ATP8B4: variants seen among roughly 807,000 people sequenced by gnomAD.
ATP8B4 encodes probable phospholipid-transporting ATPase IM.
A neutral mutation model predicts 145.6 loss-of-function variants in ATP8B4; 133 were observed. That is an observed-to-expected ratio of 0.91 (90% confidence interval 0.79 to 1.05). The LOEUF (loss-of-function observed/expected upper bound fraction) is 1.05, where lower values mean the gene tolerates loss of function less well. ATP8B4 is among the 50% of genes least tolerant of loss of function. The pLI is 0.00. For synonymous variants in ATP8B4, 507 were observed against 492.9 expected (o/e 1.03, Z -0.38); for missense variants, 1,458 against 1,425.2 (o/e 1.02, Z -0.37).
At chr15:50,103,972 CA>C in intron 2 of ATP8B4, among the ~76,000 whole-genome samples, 1 of 152,010 alleles carries the variant, frequency 6.6e-6, no homozygotes, top group South Asian at 2.1e-4. Flanking sequence ...ACAAAATCAT[CA>C]ATGGGGGAAA....
chr15:50,148,031 G>T (rs188809437), intron 1 of ATP8B4, among the ~76,000 whole-genome samples: 206 of 152,284 alleles, frequency 1.4e-3, no homozygotes, highest in African/African-American at 4.9e-3. Context: ...TCTACTAAGT[G>T]ATCCAACTTA....
intron 1 of ATP8B4, among the ~76,000 whole-genome samples, chr15:50,163,522 G>T (rs74012180): frequency 0.059 from 9,058 of 152,300 alleles, 322 homozygotes; most frequent in African/African-American, 0.1. Flanking sequence ...GTAGCTGAGT[G>T]AAAGGTGACA....
rs1233839937 is a variant in ATP8B4 at position 49,859,568 on chromosome 15, G to A, written c.*626C>T. 1 of 152,170 alleles carries A rather than the reference G, an allele frequency of 6.6e-6. No individual in the cohort carries two copies. Among genetic ancestry groups the A allele is most frequent in the African/African-American group, 2.4e-5 (1 of 41,426 alleles). 9.4% of individuals were successfully genotyped at this position (152,170 alleles called of 1,614,324 possible). A position where few individuals can be genotyped will look rare whatever the true frequency, so the allele number is the denominator to read the frequency against. On this transcript the variant is annotated 3_prime_UTR_variant, in exon 28 of 28. Coordinates refer to ENST00000284509, the MANE Select transcript of ATP8B4 (RefSeq NM_024837.4). ...GCCTATCCTGCTGCAAAGATGTTCA[G>A]TCTCCTTTGTCCCTAGACTGGTATA...
At chr15:49,866,217 C>G in intron 26 of ATP8B4, 129 bp downstream of exon 26, 1 of 1,327,064 alleles carries the variant, frequency 7.5e-7, no homozygotes, top group Non-Finnish European at 1.0e-6. Flanking sequence ...CCTTCAGATG[C>G]CTGGCTCAAA....
chr15:49,983,076 T>C (rs911758687), intron 10 of ATP8B4, among the ~76,000 whole-genome samples: 1 of 152,302 alleles, frequency 6.6e-6, no homozygotes, highest in East Asian at 1.9e-4. Flanking sequence ...GACTCAGGCA[T>C]AGGTCACCTT....
intron 3 of ATP8B4, among the ~76,000 whole-genome samples, chr15:50,053,887 T>C (rs1307015683): frequency 6.6e-6 from 1 of 152,122 alleles, no homozygotes; most frequent in Non-Finnish European, 1.5e-5. Context: ...ACAAAGCAAA[T>C]AGAAAATAAC....
intron 6 of ATP8B4, among the ~76,000 whole-genome samples, chr15:50,023,624 C>T (rs1018817611): frequency 6.6e-6 from 1 of 151,342 alleles, no homozygotes; most frequent in African/African-American, 2.4e-5. Context: ...AAATGAGATA[C>T]AGAGCAAAGA....
At chr15:49,875,657 G>T (rs1197189696) in intron 25 of ATP8B4, among the ~76,000 whole-genome samples, 7 of 152,134 alleles carry the variant, frequency 4.6e-5, no homozygotes, top group African/African-American at 1.7e-4. Context: ...ACATAGCAAG[G>T]CCTCCTCTCA....
intron 14 of ATP8B4, 41 bp from the exon 15 acceptor site, chr15:49,934,223 T>C (rs753337831): frequency 8.4e-6 from 13 of 1,552,778 alleles, no homozygotes; most frequent in Admixed American, 2.1e-5. Context: ...CAAAACCTCA[T>C]TCCAATAATT....
At chr15:50,117,257 C>T (rs1362780526) in intron 1 of ATP8B4, among the ~76,000 whole-genome samples, 1 of 152,078 alleles carries the variant, frequency 6.6e-6, no homozygotes, top group Non-Finnish European at 1.5e-5. Context: ...ATCATGTTGG[C>T]CAGGGTAGTC....
chr15:49,985,157 T>G (rs977963878), intron 10 of ATP8B4, among the ~76,000 whole-genome samples: 18 of 151,672 alleles, frequency 1.2e-4, no homozygotes, highest in Admixed American at 5.3e-4. Flanking sequence ...AGTGCAGTGG[T>G]GCAATCGCAG....
At chr15:50,143,973 T>C (rs2044244615) in intron 1 of ATP8B4, among the ~76,000 whole-genome samples, 1 of 152,178 alleles carries the variant, frequency 6.6e-6, no homozygotes, top group African/African-American at 2.4e-5. Flanking sequence ...GGATGACATG[T>C]AAGGATCATA....
At chr15:50,160,312 G>A (rs1230349757) in intron 1 of ATP8B4, among the ~76,000 whole-genome samples, 1 of 151,126 alleles carries the variant, frequency 6.6e-6, no homozygotes, top group Non-Finnish European at 1.5e-5. Context: ...AAAGATTTGT[G>A]AATTTTATCT....
intron 9 of ATP8B4, among the ~76,000 whole-genome samples, chr15:49,995,619 A>T (rs931891673): frequency 6.6e-6 from 1 of 152,160 alleles, no homozygotes; most frequent in African/African-American, 2.4e-5. Flanking sequence ...AGGAGCTCTA[A>T]GCTCTGCACT....
At chr15:50,169,788 G>A (rs150309866) in intron 1 of ATP8B4, among the ~76,000 whole-genome samples, 10 of 152,258 alleles carry the variant, frequency 6.6e-5, no homozygotes, top group African/African-American at 1.7e-4. Context: ...AATGATACAA[G>A]AAGTGAAGGG....
chr15:49,884,598 G>C (rs1477489813), intron 23 of ATP8B4, among the ~76,000 whole-genome samples: 1 of 103,938 alleles, frequency 9.6e-6, no homozygotes, highest in African/African-American at 3.8e-5. Context: ...GTGAAATCCT[G>C]TCTCCAAAAA....
intron 1 of ATP8B4, among the ~76,000 whole-genome samples, chr15:50,117,457 TG>T (rs2057188883): frequency 6.6e-6 from 1 of 152,070 alleles, no homozygotes; most frequent in South Asian, 2.1e-4. Context: ...ATGCCACATA[TG>T]AAAAAAATAA....
chr15:49,861,304 G>A (rs891354969), intron 27 of ATP8B4, among the ~76,000 whole-genome samples: 2 of 152,036 alleles, frequency 1.3e-5, no homozygotes, highest in African/African-American at 4.8e-5. Context: ...GAGAACCAAA[G>A]AGAGAGGACA....
chr15:49,958,801 A>G (rs1052456118), intron 14 of ATP8B4, among the ~76,000 whole-genome samples: 3 of 151,990 alleles, frequency 2.0e-5, no homozygotes, highest in African/African-American at 4.8e-5. Context: ...ACAGATAACT[A>G]CTGTAGACAA....
Sources: allele counts gnomAD v4.1 joint callset (sites outside exome capture counted in the v4.1 genomes callset), GRCh38; gene constraint gnomAD v4.1.1; transcripts MANE v1.5; gene names NCBI Gene and HGNC (gene_info 2026-07-23, HGNC 2026-07-21).